The following PIEZO1 variants were observed in gnomAD, a reference collection of about 807,000 sequenced individuals.
The protein encoded by PIEZO1 is piezo type mechanosensitive ion channel component 1 (Er blood group), also known as piezo-type mechanosensitive ion channel component 1.
In PIEZO1, 296 loss-of-function variants were observed where a neutral mutation model predicts 297.2. The observed-to-expected ratio is 1.00, with a 90% CI of 0.91 to 1.10. The LOEUF (loss-of-function observed/expected upper bound fraction) is 1.10, where lower values mean the gene tolerates loss of function less well. Among genes scored for constraint, PIEZO1 ranks in the 50% least tolerant of loss-of-function variants. The probability of loss-of-function intolerance (pLI) is 0.00; values close to 1 mark genes in which losing one functional copy is unlikely to be tolerated. For missense variants in PIEZO1, 5,018 were observed against 3,455.5 expected (o/e 1.45, Z -11.34); for synonymous variants, 2,427 against 1,507.5 (o/e 1.61, Z -14.13).
At chr16:88,739,690 G>A (rs2142837666) in intron 5 of PIEZO1, 1 of 152,640 alleles carries the variant, frequency 6.6e-6, no homozygotes, top group South Asian at 2.1e-4. Context: ...AGGCCTCCAG[G>A]GCTGCAGGGG....
chr16:88,734,579 G>A (rs969606389), intron 15 of PIEZO1, 41 bp from the exon 16 acceptor site: 2 of 1,545,998 alleles, frequency 1.3e-6, no homozygotes, highest in Non-Finnish European at 1.7e-6. Context: ...GCCCCCGGCA[G>A]AGCCGCTGCA....
intron 1 of PIEZO1, among the ~76,000 whole-genome samples, chr16:88,751,478 C>T (rs763912142): frequency 2.0e-4 from 31 of 152,332 alleles, no homozygotes; most frequent in Non-Finnish European, 4.1e-4. Context: ...AAGGCGGCCT[C>T]GGCTTAGCGC....
chr16:88,768,390 G>T (rs948145379), intron 1 of PIEZO1, among the ~76,000 whole-genome samples: 14 of 152,348 alleles, frequency 9.2e-5, no homozygotes, highest in African/African-American at 3.1e-4. Context: ...ATTGTTCCCT[G>T]TGGGGGGTGG....
chr16:88,727,650 G>T lies in PIEZO1; in HGVS notation c.3208C>A (p.Arg1070Ser). Residue 1070 changes from arginine to serine, a missense_variant, in exon 23 of 51, where the codon CGC (arginine) becomes AGC (serine). Transcript: ENST00000301015. ...PPALCIDYPW[R>S]WSRAVPMNSA... The stretch of plus-strand genomic sequence containing the variant: ...TTCATGGGGACGGCCCGGCTCCAGC[G>T]CCAGGGATAATCTGGGGGAAGGGGT... 1 of 1,472,306 alleles carries T rather than the reference G, an allele frequency of 6.8e-7. No homozygotes were observed. Among genetic ancestry groups the T allele is most frequent in the East Asian group, 2.6e-5 (1 of 38,490 alleles). The allele number at this position is 1,472,306 out of a possible 1,614,324, so 91.2% of individuals were successfully genotyped here.
rs1567663504 is a variant in PIEZO1, at chr16:88,723,274, G to A, written c.4390C>T (p.Gln1464Ter). ...TCCTGCCTTGCCTGCTCCTGCTCCT[G>A]CTGCCGCCGCCTCAGCACCGCCTGG... is the stretch of plus-strand genomic sequence containing the variant. ...NAQAVLRRRQ[Q>*]EQEQARQEQA... The change falls in exon 32 of 51, where the codon CAG (glutamine) becomes TAG (stop). Residue 1464 changes from glutamine (Q) to a stop codon, truncating the protein, a stop_gained. Transcript: ENST00000301015. LOFTEE classifies it high-confidence loss of function. 1.9e-6 allele frequency: 3 copies of A among 1,542,842 alleles called. No individual in the cohort carries two copies. Among genetic ancestry groups the A allele is most frequent in the Non-Finnish European group, 1.7e-6 (2 of 1,146,788 alleles).
At position 88,738,016 on chromosome 16, in the gene PIEZO1, T is replaced by C. The variant is rs1019892154; in HGVS notation, c.938A>G (p.Tyr313Cys). ...CAGCAGGAGGACGCCGGGGCTGGCA[T>C]ACACAGGCCAGTCCAGGCCGGTGTT... The part of the protein sequence containing the change: ...VLNTGLDWPV[Y>C]ASPGVLLLLC... The change falls in exon 8 of 51, where the codon TAT (tyrosine) becomes TGT (cysteine). Residue 313 changes from tyrosine to cysteine, a missense_variant. Physicochemically the swap from Tyr to Cys is radical, Grantham distance 194. Transcript: ENST00000301015. 3.3e-6 allele frequency: 5 copies of C among 1,535,488 alleles called. No individual in the cohort carries two copies. In the African/African-American group the frequency reaches 4.1e-5, roughly 13 times the overall value.
intron 2 of PIEZO1, chr16:88,743,256 G>A (rs1376264167): frequency 3.1e-5 from 14 of 456,424 alleles, no homozygotes; most frequent in Middle Eastern, 3.2e-4. Context: ...TGCTCTCGGC[G>A]CACATGTGGA....
chr16:88,754,934 G>A (rs1906578915), intron 1 of PIEZO1, among the ~76,000 whole-genome samples: 1 of 152,244 alleles, frequency 6.6e-6, no homozygotes. Context: ...CTGCACAGGA[G>A]CTGAAAGCTG....
At chr16:88,774,933 G>C (rs1356955022) in intron 1 of PIEZO1, among the ~76,000 whole-genome samples, 1 of 152,196 alleles carries the variant, frequency 6.6e-6, no homozygotes, top group Non-Finnish European at 1.5e-5. Flanking sequence ...TCAAAGGAAG[G>C]AAAAACAGGC....
chr16:88,768,180 G>A (rs946961763), intron 1 of PIEZO1, among the ~76,000 whole-genome samples: 1 of 152,228 alleles, frequency 6.6e-6, no homozygotes, highest in African/African-American at 2.4e-5. Context: ...GCCAGCTGGT[G>A]GGGCAAGAGC....
chr16:88,720,497 A>G lies in PIEZO1; in HGVS notation c.5837T>C (p.Phe1946Ser). The stretch of plus-strand genomic sequence containing the variant: ...GTACTTGGTGTGCAGGATGTCGTGG[A>G]AGAAGCGCCGTAGCGGCCGATATGT... ...QGTYRPLRRF[F>S]HDILHTKYRA... Residue 1946 changes from phenylalanine (F) to serine (S), a missense_variant, in exon 41 of 51, where the codon TTC becomes TCC. By Grantham distance (155) the Phe-to-Ser change is radical. Transcript: ENST00000301015. The G allele has an allele frequency of 1.3e-6, 2 of 1,550,318 alleles. No homozygotes were observed. Among genetic ancestry groups the G allele is most frequent in the Non-Finnish European group, 1.7e-6 (2 of 1,146,954 alleles).
intron 1 of PIEZO1, among the ~76,000 whole-genome samples, chr16:88,768,452 G>A (rs181110607): frequency 6.6e-6 from 1 of 152,212 alleles, no homozygotes; most frequent in African/African-American, 2.4e-5. Flanking sequence ...TCAGTTCCTG[G>A]AAAAAGGGGA....
chr16:88,727,353 G>A (rs1010923538), intron 23 of PIEZO1, among the ~76,000 whole-genome samples, 161 bp from the exon 24 acceptor site: 3 of 152,228 alleles, frequency 2.0e-5, no homozygotes, highest in South Asian at 2.1e-4. Context: ...GGGGAGCCCC[G>A]GTGTGAGGGC....
chr16:88,751,445 G>A (rs1436993138), intron 1 of PIEZO1, among the ~76,000 whole-genome samples: 1 of 152,162 alleles, frequency 6.6e-6, no homozygotes. Context: ...CGAAAGAATC[G>A]CGCTCGGCGC....
At chr16:88,724,657 G>A (rs1226702569) in intron 30 of PIEZO1, among the ~76,000 whole-genome samples, 1 of 152,092 alleles carries the variant, frequency 6.6e-6, no homozygotes, top group African/African-American at 2.4e-5. Flanking sequence ...TCATGCCACT[G>A]CACTCCAGCC....
chr16:88,737,534 A>T, intron 10 of PIEZO1, 25 bp downstream of exon 10: 1 of 1,468,656 alleles, frequency 6.8e-7, no homozygotes, highest in South Asian at 1.2e-5. Flanking sequence ...GCACCCAGCC[A>T]TACCTTGCAG....
chr16:88,732,278 T>A lies in PIEZO1; in HGVS notation c.2991+57A>T, dbSNP rs1338002612. 2.1e-6 allele frequency: 3 copies of A among 1,441,894 alleles called. No homozygotes were observed. The African/African-American group carries it at 4.2e-5, about 20-fold the overall frequency. The allele number at this position is 1,441,894 out of a possible 1,614,324, so 89.3% of individuals were successfully genotyped here. A position where few individuals can be genotyped will look rare whatever the true frequency, so the allele number is the denominator to read the frequency against. The stretch of plus-strand genomic sequence containing the variant: ...TTGCGGTGCCTGCACGGTGCAGCCG[T>A]CCCTCCCTCCCGAAGGCCAAGCCCT... On this transcript the variant is annotated intron_variant, in intron 21 of 50. Coordinates refer to ENST00000301015, the MANE Select transcript of PIEZO1 (RefSeq NM_001142864.4).
At position 88,736,711 on chromosome 16, in the gene PIEZO1, C is replaced by A; in HGVS notation, c.1224G>T (p.Glu408Asp). ...GGCCCAGGCTGTGGAGCGGAGACGC[C>A]TCCCTGGGCTCAGCCCGCTTGGGCC... Reference protein sequence around the residue: ...PVRPKRAEPREASPLHSLGHL... With the variant: ...PVRPKRAEPRDASPLHSLGHL... Residue 408 changes from glutamate (E) to aspartate (D), a missense_variant, in exon 11 of 51, where the codon GAG (glutamate) becomes GAT (aspartate). By Grantham distance (45) the Glu-to-Asp change is conservative. Transcript: ENST00000301015. 1 of 1,532,638 alleles carries A rather than the reference C, an allele frequency of 6.5e-7. No individual in the cohort carries two copies. Among genetic ancestry groups the A allele is most frequent in the Admixed American group, 2.0e-5 (1 of 50,850 alleles). 94.9% of individuals were successfully genotyped at this position (1,532,638 alleles called of 1,614,324 possible).
chr16:88,720,494 T>A lies in PIEZO1; in HGVS notation c.5840A>T (p.His1947Leu). Reference sequence around the variant, plus strand: ...GCGGTACTTGGTGTGCAGGATGTCGTGGAAGAAGCGCCGTAGCGGCCGATA... The same window carrying A: ...GCGGTACTTGGTGTGCAGGATGTCGAGGAAGAAGCGCCGTAGCGGCCGATA... Reference protein sequence around the residue: ...GTYRPLRRFFHDILHTKYRAA... With the variant: ...GTYRPLRRFFLDILHTKYRAA... The change falls in exon 41 of 51, where the codon CAC (histidine) becomes CTC (leucine). Residue 1947 changes from histidine to leucine, a missense_variant. Coordinates refer to ENST00000301015, the MANE Select transcript of PIEZO1 (RefSeq NM_001142864.4). 6.5e-7 allele frequency: 1 copy of A among 1,550,324 alleles called. No individual in the cohort carries two copies. The highest frequency in any genetic ancestry group is 8.7e-7 in the Non-Finnish European group (1 of 1,146,940).
Sources: allele counts gnomAD v4.1 joint callset (sites outside exome capture counted in the v4.1 genomes callset), GRCh38; gene constraint gnomAD v4.1.1; transcripts MANE v1.5; gene names NCBI Gene and HGNC (gene_info 2026-07-23, HGNC 2026-07-21).